Variants in ATXN7L1 observed in about 807,000 individuals in gnomAD.
The protein encoded by ATXN7L1 is ataxin 7 like 1.
In ATXN7L1, 15 loss-of-function variants were observed where a neutral mutation model predicts 70.8. The ratio of observed to expected loss-of-function variants is 0.21; its 90% CI spans 0.14 to 0.33. The LOEUF is 0.33. Ranked by LOEUF, ATXN7L1 falls within the 10% of genes least tolerant of loss-of-function variation. The pLI, the probability that ATXN7L1 is intolerant of heterozygous loss-of-function variation, is 1.00. For missense variants in ATXN7L1, 975 were observed against 1,097.1 expected (o/e 0.89, Z 1.57); for synonymous variants, 440 against 445.1 (o/e 0.99, Z 0.14).
chr7:105,733,939 TC>T (rs200190207), intron 3 of ATXN7L1, among the ~76,000 whole-genome samples: 2 of 146,996 alleles, frequency 1.4e-5, no homozygotes, highest in East Asian at 2.0e-4. Context: ...CCATCATCCA[TC>T]CATCCATCCA....
At chr7:105,759,329 C>T (rs1800218668) in intron 3 of ATXN7L1, among the ~76,000 whole-genome samples, 1 of 151,706 alleles carries the variant, frequency 6.6e-6, no homozygotes, top group South Asian at 2.1e-4. Context: ...CAGCTTGGGC[C>T]ACTCACTCCC....
rs1396545711 is a variant in ATXN7L1, at chr7:105,727,775, TATAC to T, written c.355+60825_355+60828del. Reference sequence around the variant, plus strand: ...ATATATATATATATATATATATATATATACACACACATACACACATATATATATG... The same window carrying T: ...ATATATATATATATATATATATATATACACACATACACACATATATATATG... On this transcript the variant is annotated intron_variant, in intron 3 of 11. Transcript: ENST00000419735. Among the ~76,000 whole-genome samples the T allele has an allele frequency of 4.3e-4, 50 of 115,422 alleles. 1 individual carries two copies. Among genetic ancestry groups the T allele is most frequent in the African/African-American group, 1.7e-3 (47 of 27,986 alleles). 75.7% of individuals were successfully genotyped at this position (115,422 alleles called of 152,430 possible). A position where few individuals can be genotyped will look rare whatever the true frequency, so the allele number is the denominator to read the frequency against.
chr7:105,635,899 T>C (rs1047900662), intron 7 of ATXN7L1, among the ~76,000 whole-genome samples: 3 of 151,826 alleles, frequency 2.0e-5, no homozygotes, highest in Non-Finnish European at 2.9e-5. Context: ...ACATCTATTA[T>C]ATATACATCA....
intron 4 of ATXN7L1, among the ~76,000 whole-genome samples, chr7:105,662,022 CT>C (rs34021061): frequency 3.9e-3 from 283 of 72,530 alleles, no homozygotes; most frequent in Non-Finnish European, 5.1e-3. Flanking sequence ...TTCTTTCTTT[CT>C]TTCTTTCCTT....
At position 105,814,410 on chromosome 7, in the gene ATXN7L1, A is replaced by T. The variant is rs116100605; in HGVS notation, c.251-25702T>A. On this transcript the variant is annotated intron_variant, in intron 2 of 11. Transcript: ENST00000419735. ...AAGGGGATGGGGAGAAGGGAGAGAAACTATCAATTCAGTGTTTTCCAGCAG... is the reference window on the plus strand; with the variant it reads ...AAGGGGATGGGGAGAAGGGAGAGAATCTATCAATTCAGTGTTTTCCAGCAG... Among the ~76,000 whole-genome samples the T allele has an allele frequency of 5.9e-3, 895 of 151,744 alleles. 8 individuals carry two copies. The highest frequency in any genetic ancestry group is 0.02 in the African/African-American group (845 of 41,414).
chr7:105,849,789 A>G (rs950260208), intron 2 of ATXN7L1, among the ~76,000 whole-genome samples: 4 of 152,224 alleles, frequency 2.6e-5, no homozygotes, highest in African/African-American at 9.6e-5. Context: ...ATCTGAACTT[A>G]GAGGCAGATT....
intron 3 of ATXN7L1, among the ~76,000 whole-genome samples, chr7:105,740,090 ACT>A (rs1308998365): frequency 6.6e-6 from 1 of 151,990 alleles, no homozygotes; most frequent in African/African-American, 2.4e-5. Context: ...CAAATGTACC[ACT>A]CTGCTGATTT....
chr7:105,864,513 G>A (rs764482795), intron 2 of ATXN7L1, among the ~76,000 whole-genome samples: 6 of 147,060 alleles, frequency 4.1e-5, no homozygotes, highest in Admixed American at 6.9e-5. Flanking sequence ...CTTCACTCCC[G>A]GTTGTTTCGT....
intron 2 of ATXN7L1, among the ~76,000 whole-genome samples, chr7:105,861,995 G>C (rs1400284532): frequency 6.6e-6 from 1 of 152,100 alleles, no homozygotes; most frequent in Non-Finnish European, 1.5e-5. Context: ...ATTCTCTCTG[G>C]GTCCTGCCCC....
chr7:105,771,237 A>G (rs1367599293), intron 3 of ATXN7L1, among the ~76,000 whole-genome samples: 1 of 148,572 alleles, frequency 6.7e-6, no homozygotes, highest in African/African-American at 2.5e-5. Context: ...TAATAATAAT[A>G]ATACAGACCT....
intron 3 of ATXN7L1, among the ~76,000 whole-genome samples, chr7:105,716,203 T>A (rs1165428316): frequency 6.6e-6 from 1 of 152,180 alleles, no homozygotes; most frequent in Non-Finnish European, 1.5e-5. Context: ...AAAGTCATAC[T>A]ACATACTTCA....
rs553543850 is a variant in ATXN7L1 at position 105,659,449 on chromosome 7, G to A, written c.578+5617C>T. On this transcript the variant is annotated intron_variant, in intron 4 of 11. Transcript: ENST00000419735. ...AGGAAGACAGGAAGTGGAGTCTATG[G>A]CCGACCAGAGAAAGTGTCACATGTG... 1.1e-4 allele frequency among the ~76,000 whole-genome samples: 17 copies of A among 152,284 alleles called. No individual in the cohort carries two copies. In the South Asian group the frequency reaches 2.1e-3, roughly 19 times the overall value.
intron 2 of ATXN7L1, among the ~76,000 whole-genome samples, chr7:105,822,312 A>G (rs1008241043): frequency 3.3e-5 from 5 of 151,936 alleles, no homozygotes; most frequent in African/African-American, 1.2e-4. Flanking sequence ...AAAACATAAC[A>G]CCCTTGGAGC....
intron 3 of ATXN7L1, among the ~76,000 whole-genome samples, chr7:105,714,042 C>G (rs1794235180): frequency 6.6e-6 from 1 of 152,262 alleles, no homozygotes; most frequent in Non-Finnish European, 1.5e-5. Context: ...TGATTAAGAA[C>G]TATCCATTTG....
intron 4 of ATXN7L1, among the ~76,000 whole-genome samples, chr7:105,645,746 G>A (rs1459078733): frequency 6.6e-6 from 1 of 152,006 alleles, no homozygotes. Context: ...CCAGGAGGCA[G>A]AGCTTACAGT....
At chr7:105,645,301 T>TA (rs199516496) in intron 4 of ATXN7L1, among the ~76,000 whole-genome samples, 276 of 151,194 alleles carry the variant, frequency 1.8e-3, no homozygotes, top group Middle Eastern at 3.4e-3. Context: ...ATGTACAAAC[T>TA]AAAAAAAAAT....
intron 8 of ATXN7L1, among the ~76,000 whole-genome samples, chr7:105,621,623 C>T (rs1562905464): frequency 1.3e-5 from 2 of 152,262 alleles, no homozygotes; most frequent in South Asian, 4.1e-4. Context: ...TTAGGGCAAC[C>T]GGAAGGCTAG....
chr7:105,740,694 T>C (rs577791311), intron 3 of ATXN7L1, among the ~76,000 whole-genome samples: 230 of 151,916 alleles, frequency 1.5e-3, no homozygotes, highest in Non-Finnish European at 2.8e-3. Context: ...AACATCCACC[T>C]TAGCAGCTTG....
At chr7:105,781,553 G>A (rs1427794126) in intron 3 of ATXN7L1, among the ~76,000 whole-genome samples, 1 of 152,156 alleles carries the variant, frequency 6.6e-6, no homozygotes, top group Non-Finnish European at 1.5e-5. Context: ...CTGACAAGAC[G>A]AAGAGTCACA....
Sources: allele counts gnomAD v4.1 joint callset (sites outside exome capture counted in the v4.1 genomes callset), GRCh38; gene constraint gnomAD v4.1.1; transcripts MANE v1.5; gene names NCBI Gene and HGNC (gene_info 2026-07-23, HGNC 2026-07-21).